Variants in TUNAR observed in about 807,000 individuals in gnomAD.
TUNAR encodes protein TUNAR.
rs557649721 is a variant in TUNAR at position 95,888,412 on chromosome 14, TG to T, written c.12+11236del. Among the ~76,000 whole-genome samples the T allele has an allele frequency of 2.4e-3, 364 of 152,298 alleles. 1 individual carries two copies. Among genetic ancestry groups the T allele is most frequent in the African/African-American group, 8.3e-3 (346 of 41,560 alleles). On this transcript the variant is annotated intron_variant, in intron 2 of 2. Coordinates refer to ENST00000678517, the Ensembl canonical transcript of TUNAR. ...ACACCTCAGATAATGGTTTTGAACATGAATAATCATTTATTTTGCTCAGCTA... is the reference window on the plus strand; with the variant it reads ...ACACCTCAGATAATGGTTTTGAACATAATAATCATTTATTTTGCTCAGCTA...
chr14:95,891,988 C>T (rs117705907), intron 2 of TUNAR, among the ~76,000 whole-genome samples: 1,591 of 152,376 alleles, frequency 0.01, 16 homozygotes, highest in Non-Finnish European at 0.015. Context: ...CCTCTATTTT[C>T]CTCTTATGAA....
chr14:95,881,245 G>A (rs560569818), intron 2 of TUNAR, among the ~76,000 whole-genome samples: 80 of 152,302 alleles, frequency 5.3e-4, no homozygotes, highest in Middle Eastern at 3.4e-3. Flanking sequence ...ACTACACGAG[G>A]TCAAACATGT....
chr14:95,917,370 TTGTCTAAGGCTTG>T (rs1454584593), intron 2 of TUNAR, among the ~76,000 whole-genome samples: 4 of 152,174 alleles, frequency 2.6e-5, no homozygotes, highest in Non-Finnish European at 5.9e-5. Flanking sequence ...TTTGGCCTAT[TTGTCTAAGGCTTG>T]TATAAGCCTT....
chr14:95,879,739 A>G (rs1888948405), intron 2 of TUNAR, among the ~76,000 whole-genome samples: 1 of 151,004 alleles, frequency 6.6e-6, no homozygotes, highest in South Asian at 2.1e-4. Flanking sequence ...TCTAAGCTGA[A>G]CTCTTCCACA....
rs74640164 is a variant in TUNAR at position 95,908,497 on chromosome 14, A to G, written c.13-14284A>G. On this transcript the variant is annotated intron_variant, in intron 2 of 2. Transcript: ENST00000678517. ...AGGCAGATGCTGGTCTCTCATGACA[A>G]CTTACTGAGGACTCTCATATACGCT... Among the ~76,000 whole-genome samples, 363 of 152,366 alleles carry G rather than the reference A, an allele frequency of 2.4e-3. 1 individual carries two copies. Among genetic ancestry groups the G allele is most frequent in the African/African-American group, 8.0e-3 (333 of 41,590 alleles).
chr14:95,890,873 C>G (rs1889167904), intron 2 of TUNAR, among the ~76,000 whole-genome samples: 1 of 152,186 alleles, frequency 6.6e-6, no homozygotes, highest in Non-Finnish European at 1.5e-5. Flanking sequence ...CCATTTCACC[C>G]CTGACAGCTG....
At chr14:95,884,747 A>G (rs1466760359) in intron 2 of TUNAR, among the ~76,000 whole-genome samples, 1 of 152,182 alleles carries the variant, frequency 6.6e-6, no homozygotes, top group Non-Finnish European at 1.5e-5. Flanking sequence ...TCTTTCCACA[A>G]GTATTCACAA....
intron 2 of TUNAR, among the ~76,000 whole-genome samples, chr14:95,921,222 C>A (rs1420818560): frequency 6.6e-6 from 1 of 152,152 alleles, no homozygotes; most frequent in African/African-American, 2.4e-5. Flanking sequence ...ACACACACAC[C>A]CAGAATAACG....
intron 2 of TUNAR, among the ~76,000 whole-genome samples, chr14:95,883,159 C>T (rs1889008964): frequency 6.6e-6 from 1 of 152,178 alleles, no homozygotes; most frequent in African/African-American, 2.4e-5. Flanking sequence ...AAAAATACAC[C>T]CGACTTCTAA....
intron 2 of TUNAR, among the ~76,000 whole-genome samples, chr14:95,911,601 G>A (rs2139668338): frequency 6.6e-6 from 1 of 152,316 alleles, no homozygotes; most frequent in Middle Eastern, 3.4e-3. Flanking sequence ...TTTCCAGGCA[G>A]GAGCTTGCCA....
intron 2 of TUNAR, among the ~76,000 whole-genome samples, chr14:95,918,819 G>T (rs983840887): frequency 2.0e-5 from 3 of 152,182 alleles, no homozygotes; most frequent in Admixed American, 2.0e-4. Flanking sequence ...TGGTTATAAA[G>T]GCAGCACTAA....
chr14:95,880,582 G>A (rs1172365551), intron 2 of TUNAR, among the ~76,000 whole-genome samples: 1 of 152,198 alleles, frequency 6.6e-6, no homozygotes, highest in Non-Finnish European at 1.5e-5. Context: ...AGGGTTCAGG[G>A]GACTTGGAGA....
At position 95,895,319 on chromosome 14, in the gene TUNAR, T is replaced by C. The variant is rs1889244357; in HGVS notation, c.12+18142T>C. On this transcript the variant is annotated intron_variant, in intron 2 of 2. Coordinates refer to ENST00000678517, the Ensembl canonical transcript of TUNAR. The surrounding 1 kb of genome is among the most constrained non-coding windows in gnomAD (Gnocchi z 4.5). ...ACTGGGCAAGATAGAAAGATCTGCC[T>C]GCTGGTTTGATAGAGTGAGGGAAGT... Among the ~76,000 whole-genome samples, 1 of 152,206 alleles carries C rather than the reference T, an allele frequency of 6.6e-6. No homozygotes were observed. The highest frequency in any genetic ancestry group is 1.5e-5 in the Non-Finnish European group (1 of 68,034).
intron 2 of TUNAR, among the ~76,000 whole-genome samples, chr14:95,905,418 A>T (rs1158986449): frequency 1.3e-5 from 2 of 152,134 alleles, no homozygotes; most frequent in Non-Finnish European, 2.9e-5. Context: ...ACTTCAGAAG[A>T]GCACTTGTCA....
At chr14:95,914,374 A>G (rs1424665298) in intron 2 of TUNAR, among the ~76,000 whole-genome samples, 2 of 152,160 alleles carry the variant, frequency 1.3e-5, no homozygotes, top group African/African-American at 2.4e-5. Context: ...ACAGGGAGCA[A>G]TGTGATTTTG....
intron 2 of TUNAR, among the ~76,000 whole-genome samples, chr14:95,909,939 C>T (rs987407684): frequency 6.6e-6 from 1 of 152,180 alleles, no homozygotes; most frequent in African/African-American, 2.4e-5. Context: ...AGCATGTGAA[C>T]AAATGCACAG....
At chr14:95,905,509 C>T (rs1889416885) in intron 2 of TUNAR, among the ~76,000 whole-genome samples, 1 of 152,184 alleles carries the variant, frequency 6.6e-6, no homozygotes, top group Non-Finnish European at 1.5e-5. Flanking sequence ...TGGCAAGAAT[C>T]CCACAGAGCT....
chr14:95,896,178 C>T (rs1468319206), intron 2 of TUNAR, among the ~76,000 whole-genome samples: 1 of 152,214 alleles, frequency 6.6e-6, no homozygotes, highest in African/African-American at 2.4e-5. Context: ...CACCTACCCA[C>T]CTGCTGCCTT....
intron 2 of TUNAR, among the ~76,000 whole-genome samples, chr14:95,883,397 C>G (rs542278875): frequency 1.3e-5 from 2 of 152,256 alleles, no homozygotes; most frequent in South Asian, 4.2e-4. Flanking sequence ...TAGGATCCAC[C>G]CCCCCAACAC....
Sources: gnomAD v4.1 joint callset for allele counts (sites outside exome capture counted in the v4.1 genomes callset) on GRCh38, gnomAD v4.1.1 for gene constraint, Gnocchi (gnomAD v3.1) non-coding constraint, MANE v1.5 for transcripts, NCBI Gene and HGNC (gene_info 2026-07-23, HGNC 2026-07-21) for gene names.